Variants in AGBL1 observed in about 807,000 individuals in gnomAD.
The protein encoded by AGBL1 is cytosolic carboxypeptidase 4.
AGBL1 carries 130 observed loss-of-function variants against 118.9 expected under a neutral mutation model. The observed-to-expected ratio is 1.09, with a 90% CI of 0.95 to 1.26. AGBL1 has a LOEUF of 1.26. Among genes scored for constraint, AGBL1 ranks in the 50% most tolerant of loss-of-function variants. The pLI, the probability that AGBL1 is intolerant of heterozygous loss-of-function variation, is 0.00. For missense variants in AGBL1, 1,584 were observed against 1,298.1 expected, an observed-to-expected ratio of 1.22 and a Z score of -3.38; for synonymous variants, 555 against 478.9, an observed-to-expected ratio of 1.16 and a Z score of -2.08.
intron 20 of AGBL1, among the ~76,000 whole-genome samples, chr15:86,552,169 CA>C (rs1471804678): frequency 4.6e-5 from 7 of 152,114 alleles, no homozygotes; most frequent in African/African-American, 1.7e-4. Context: ...GTAGGTTCAG[CA>C]GTTACAACAA....
At chr15:86,211,791 C>T (rs751132200) in intron 5 of AGBL1, among the ~76,000 whole-genome samples, 27 of 152,196 alleles carry the variant, frequency 1.8e-4, no homozygotes, top group Non-Finnish European at 3.7e-4. Flanking sequence ...ACCCCTTGCA[C>T]TTCCTGGGTG....
intron 6 of AGBL1, among the ~76,000 whole-genome samples, chr15:86,244,253 T>C (rs889430902): frequency 2.6e-5 from 4 of 152,014 alleles, no homozygotes; most frequent in African/African-American, 9.7e-5. Context: ...CTCTCACATC[T>C]CTCAACTCTA....
intron 18 of AGBL1, among the ~76,000 whole-genome samples, chr15:86,476,617 C>T (rs555324624): frequency 1.3e-5 from 2 of 152,236 alleles, no homozygotes; most frequent in South Asian, 4.2e-4. Context: ...CTTAGACTCC[C>T]ACACAATAAT....
At chr15:86,859,595 C>T (rs1397556650) in intron 22 of AGBL1, among the ~76,000 whole-genome samples, 1 of 152,144 alleles carries the variant, frequency 6.6e-6, no homozygotes, top group Non-Finnish European at 1.5e-5. Flanking sequence ...GTAAGGCATT[C>T]TGCTATCTGG....
chr15:86,362,231 T>A (rs1472364644), intron 17 of AGBL1, among the ~76,000 whole-genome samples: 2 of 152,222 alleles, frequency 1.3e-5, no homozygotes, highest in Admixed American at 1.3e-4. Flanking sequence ...AGTTCCAGTT[T>A]ACATCTTTTA....
chr15:86,633,811 AATG>A (rs1188399876), intron 21 of AGBL1, among the ~76,000 whole-genome samples: 6 of 5,712 alleles, frequency 1.1e-3, no homozygotes, highest in South Asian at 6.5e-3. Context: ...ATATATATAT[AATG>A]TATGTATATA....
intron 16 of AGBL1, among the ~76,000 whole-genome samples, chr15:86,286,007 T>C (rs1297722200): frequency 1.3e-5 from 2 of 152,102 alleles, no homozygotes; most frequent in Non-Finnish European, 2.9e-5. Flanking sequence ...TTTTTTAAAG[T>C]TTGATATCAG....
intron 22 of AGBL1, among the ~76,000 whole-genome samples, chr15:86,722,476 C>A (rs1234806041): frequency 6.6e-6 from 1 of 152,112 alleles, no homozygotes; most frequent in East Asian, 1.9e-4. Context: ...GAAACTGGAT[C>A]CCTTCCTTAC....
intron 22 of AGBL1, among the ~76,000 whole-genome samples, chr15:86,894,741 C>G (rs370919649): frequency 6.6e-5 from 10 of 152,260 alleles, no homozygotes; most frequent in East Asian, 5.8e-4. Flanking sequence ...CACTGCCAGT[C>G]ATATTAAACA....
chr15:86,944,581 G>T (rs181177599), intron 23 of AGBL1, among the ~76,000 whole-genome samples: 5 of 152,166 alleles, frequency 3.3e-5, no homozygotes, highest in Admixed American at 1.3e-4. Flanking sequence ...CATAAGGGAC[G>T]CACAGTAGAA....
At chr15:86,389,175 A>C (rs1004281556) in intron 17 of AGBL1, among the ~76,000 whole-genome samples, 2 of 152,190 alleles carry the variant, frequency 1.3e-5, no homozygotes, top group African/African-American at 4.8e-5. Context: ...AAGGAGTATA[A>C]GAAAGTTCAA....
chr15:86,364,996 C>CT (rs2080863455), intron 17 of AGBL1, among the ~76,000 whole-genome samples: 1 of 70,944 alleles, frequency 1.4e-5, no homozygotes, highest in Non-Finnish European at 3.1e-5. Flanking sequence ...TATACACACA[C>CT]ACATATATAT....
At chr15:86,622,708 T>C (rs555600882) in intron 21 of AGBL1, among the ~76,000 whole-genome samples, 53 of 152,242 alleles carry the variant, frequency 3.5e-4, no homozygotes, top group African/African-American at 1.2e-3. Flanking sequence ...CACCAGGGAC[T>C]GGTTTCACAG....
intron 22 of AGBL1, among the ~76,000 whole-genome samples, chr15:86,761,056 T>C (rs2078015945): frequency 6.6e-6 from 1 of 152,084 alleles, no homozygotes; most frequent in Admixed American, 6.6e-5. Flanking sequence ...AATATACTTG[T>C]TGATGCTAAT....
chr15:86,436,472 T>C (rs1025327475), intron 18 of AGBL1, among the ~76,000 whole-genome samples: 1 of 152,156 alleles, frequency 6.6e-6, no homozygotes, highest in Non-Finnish European at 1.5e-5. Flanking sequence ...GATAGTCTTA[T>C]CCAGGATTAG....
intron 15 of AGBL1, 29 bp downstream of exon 15, chr15:86,271,735 T>C (rs1160357788): frequency 1.3e-6 from 2 of 1,562,804 alleles, no homozygotes; most frequent in Non-Finnish European, 1.8e-6. Flanking sequence ...AGCTTCCTTT[T>C]CTCTGTCCTG....
At chr15:86,477,138 T>G (rs1207129023) in intron 18 of AGBL1, among the ~76,000 whole-genome samples, 2 of 151,960 alleles carry the variant, frequency 1.3e-5, no homozygotes, top group Non-Finnish European at 2.9e-5. Flanking sequence ...AGGAAAGATC[T>G]AAAACTGACA....
rs184507599 is a variant in AGBL1, at chr15:86,743,322, A to G, written c.3158+68886A>G. 5.0e-3 allele frequency among the ~76,000 whole-genome samples: 764 copies of G among 152,164 alleles called. 8 individuals carry two copies. Among genetic ancestry groups the G allele is most frequent in the African/African-American group, 0.017 (720 of 41,528 alleles). On this transcript the variant is annotated intron_variant, in intron 22 of 22. Transcript: ENST00000614907. Reference sequence around the variant, plus strand: ...ATCTCTCTGACTGAAACTCTAGGGGAGCCTAAGGGGGTTAAATGTTATCAT... The same window carrying G: ...ATCTCTCTGACTGAAACTCTAGGGGGGCCTAAGGGGGTTAAATGTTATCAT...
At position 86,308,866 on chromosome 15, in the gene AGBL1, C is replaced by G. The variant is rs141199742; in HGVS notation, c.2374+13458C>G. On this transcript the variant is annotated intron_variant, in intron 17 of 22. Coordinates refer to ENST00000614907, the MANE Select transcript of AGBL1 (RefSeq NM_001386094.1). ...AAATCAGGTATTGTGATGTCTCCAG[C>G]TTTGTTCTTTATTTTTCTCAAGATT... Among the ~76,000 whole-genome samples the G allele has an allele frequency of 4.5e-4, 68 of 152,252 alleles. 1 individual carries two copies. The highest frequency in any genetic ancestry group is 8.5e-4 in the Non-Finnish European group (58 of 68,018).
Sources: gnomAD v4.1 joint callset for allele counts (sites outside exome capture counted in the v4.1 genomes callset) on GRCh38, gnomAD v4.1.1 for gene constraint, MANE v1.5 for transcripts, NCBI Gene and HGNC (gene_info 2026-07-23, HGNC 2026-07-21) for gene names.